The following COG5 variants were observed in gnomAD, a reference collection of about 807,000 sequenced individuals.
COG5 encodes conserved oligomeric Golgi complex subunit 5.
Under a neutral mutation model 110.4 loss-of-function variants are expected in COG5, and 86 were observed. The observed-to-expected ratio is 0.78, with a 90% confidence interval of 0.65 to 0.93. The LOEUF (loss-of-function observed/expected upper bound fraction) is 0.93, where lower values mean the gene tolerates loss of function less well. COG5 is among the 40% of genes least tolerant of loss of function. The pLI, the probability that COG5 is intolerant of heterozygous loss-of-function variation, is 0.00. For synonymous variants in COG5, 360 were observed against 334.6 expected, an observed-to-expected ratio of 1.08 and a Z score of -0.83; for missense variants, 1,077 against 987.0, an observed-to-expected ratio of 1.09 and a Z score of -1.22.
chr7:107,339,111 A>G (rs1810960532), intron 10 of COG5, among the ~76,000 whole-genome samples: 1 of 152,040 alleles, frequency 6.6e-6, no homozygotes, highest in Non-Finnish European at 1.5e-5. Flanking sequence ...AGATTCATCT[A>G]TCTGCTATCT....
intron 7 of COG5, among the ~76,000 whole-genome samples, chr7:107,406,341 T>A (rs1455605437): frequency 1.3e-5 from 2 of 152,212 alleles, no homozygotes; most frequent in African/African-American, 4.8e-5. Context: ...GTCTTTTTAA[T>A]CTGATTTATT....
intron 8 of COG5, among the ~76,000 whole-genome samples, chr7:107,369,331 T>C (rs1813907955): frequency 6.6e-6 from 1 of 152,130 alleles, no homozygotes; most frequent in South Asian, 2.1e-4. Context: ...TAAACTAGTT[T>C]ATCCATTGCT....
intron 7 of COG5, among the ~76,000 whole-genome samples, chr7:107,382,498 C>G (rs1367756565): frequency 1.3e-5 from 2 of 152,138 alleles, no homozygotes; most frequent in Non-Finnish European, 2.9e-5. Flanking sequence ...TGCAATGGCA[C>G]GATCTCAACT....
intron 6 of COG5, among the ~76,000 whole-genome samples, chr7:107,438,086 C>T (rs1465168838): frequency 1.3e-5 from 2 of 151,972 alleles, no homozygotes; most frequent in Non-Finnish European, 2.9e-5. Flanking sequence ...TACTGAGGCC[C>T]TATGGATGAA....
intron 6 of COG5, among the ~76,000 whole-genome samples, chr7:107,512,284 C>A (rs1001377540): frequency 6.6e-6 from 1 of 152,160 alleles, no homozygotes; most frequent in African/African-American, 2.4e-5. Context: ...CATGAGTGAA[C>A]TCCCATTCAC....
At chr7:107,402,616 TAAAC>T (rs1791518568) in intron 7 of COG5, among the ~76,000 whole-genome samples, 2 of 152,070 alleles carry the variant, frequency 1.3e-5, no homozygotes, top group Admixed American at 1.3e-4. Flanking sequence ...AAAAAATAAA[TAAAC>T]AAATAATGTC....
chr7:107,213,729 G>C (rs1362444331), intron 19 of COG5, among the ~76,000 whole-genome samples: 1 of 152,140 alleles, frequency 6.6e-6, no homozygotes, highest in Non-Finnish European at 1.5e-5. Flanking sequence ...GATATCAGCT[G>C]GCTCATCCAG....
At chr7:107,441,886 T>C (rs1584827878) in intron 6 of COG5, among the ~76,000 whole-genome samples, 1 of 152,336 alleles carries the variant, frequency 6.6e-6, no homozygotes. Flanking sequence ...AAAATAGAAA[T>C]ATTCTTCAAA....
intron 7 of COG5, among the ~76,000 whole-genome samples, chr7:107,381,975 C>T (rs1326661059): frequency 6.6e-6 from 1 of 152,136 alleles, no homozygotes; most frequent in South Asian, 2.1e-4. Context: ...TAGTTGTTTG[C>T]ATCAGTGCAA....
At chr7:107,369,867 G>C (rs80117437) in intron 8 of COG5, among the ~76,000 whole-genome samples, 1 of 152,080 alleles carries the variant, frequency 6.6e-6, no homozygotes, top group African/African-American at 2.4e-5. Context: ...CCAGAACTTA[G>C]TTCTGTCTTA....
intron 6 of COG5, among the ~76,000 whole-genome samples, chr7:107,444,434 T>C (rs1794891896): frequency 6.6e-6 from 1 of 152,162 alleles, no homozygotes; most frequent in South Asian, 2.1e-4. Flanking sequence ...TGGTTCAGGA[T>C]TTTATAAGCT....
intron 10 of COG5, among the ~76,000 whole-genome samples, chr7:107,330,502 C>CAT (rs1810146540): frequency 6.6e-6 from 1 of 152,088 alleles, no homozygotes; most frequent in Non-Finnish European, 1.5e-5. Context: ...GCTTTCAAAG[C>CAT]ATATATTCTT....
At chr7:107,475,450 A>C (rs1796915871) in intron 6 of COG5, 1 of 632,408 alleles carries the variant, frequency 1.6e-6, no homozygotes, top group Non-Finnish European at 2.7e-6. Flanking sequence ...ATATAAGAAA[A>C]ATATTTTAAG....
chr7:107,315,850 T>C (rs1808679360), intron 11 of COG5, among the ~76,000 whole-genome samples: 1 of 152,134 alleles, frequency 6.6e-6, no homozygotes, highest in African/African-American at 2.4e-5. Context: ...GTTATTAAAG[T>C]AATTATGGTA....
intron 10 of COG5, among the ~76,000 whole-genome samples, chr7:107,349,612 CG>C (rs1486474307): frequency 6.6e-6 from 1 of 151,948 alleles, no homozygotes; most frequent in Non-Finnish European, 1.5e-5. Context: ...GGCTGGAGTG[CG>C]GTGGTCCGAT....
intron 7 of COG5, among the ~76,000 whole-genome samples, chr7:107,402,401 T>C (rs576354973): frequency 1.3e-5 from 2 of 152,188 alleles, no homozygotes; most frequent in African/African-American, 2.4e-5. Context: ...TTCCTCCACC[T>C]TGAACCTCCA....
chr7:107,345,701 A>C (rs1811543127), intron 10 of COG5, among the ~76,000 whole-genome samples: 1 of 152,188 alleles, frequency 6.6e-6, no homozygotes. Flanking sequence ...ACTTAGACTT[A>C]AGTTGATAAG....
chr7:107,397,493 T>C (rs1053581641), intron 7 of COG5, among the ~76,000 whole-genome samples: 7 of 151,990 alleles, frequency 4.6e-5, no homozygotes, highest in Admixed American at 2.6e-4. Flanking sequence ...CCATCATTGA[T>C]TGAAAGACAA....
chr7:107,215,619 G>T (rs1032176891), intron 19 of COG5, among the ~76,000 whole-genome samples: 1 of 151,780 alleles, frequency 6.6e-6, no homozygotes, highest in Non-Finnish European at 1.5e-5. Flanking sequence ...AGCCAAGATT[G>T]TACCACAGCA....
Sources: gnomAD v4.1 joint callset for allele counts (sites outside exome capture counted in the v4.1 genomes callset) on GRCh38, gnomAD v4.1.1 for gene constraint, MANE v1.5 for transcripts, NCBI Gene and HGNC (gene_info 2026-07-23, HGNC 2026-07-21) for gene names.